STT3B: variants seen among roughly 807,000 people sequenced by gnomAD.
STT3B encodes the protein dolichyl-diphosphooligosaccharide--protein glycosyltransferase subunit STT3B.
A neutral mutation model predicts 96.8 loss-of-function variants in STT3B; 29 were observed. That is an observed-to-expected ratio of 0.30 (90% CI 0.22 to 0.41). The LOEUF is 0.41. Among genes scored for constraint, STT3B ranks in the 10% least tolerant of loss-of-function variants. The pLI, the probability that STT3B is intolerant of heterozygous loss-of-function variation, is 1.00. For missense variants in STT3B, 640 were observed against 1,022.3 expected (o/e 0.63, Z 5.10); for synonymous variants, 367 against 360.0 (o/e 1.02, Z -0.22).
chr3:31,595,973 G>A (rs955039478), intron 3 of STT3B, among the ~76,000 whole-genome samples: 1 of 152,166 alleles, frequency 6.6e-6, no homozygotes, highest in African/African-American at 2.4e-5. Flanking sequence ...TATACTCACC[G>A]TAGAGTCTCT....
At chr3:31,535,756 A>G (rs993484200) in intron 1 of STT3B, among the ~76,000 whole-genome samples, 7 of 152,216 alleles carry the variant, frequency 4.6e-5, no homozygotes, top group Admixed American at 3.9e-4. Context: ...TTCATTTTTT[A>G]TATATATGAA....
At chr3:31,549,770 T>G (rs1374171104) in intron 1 of STT3B, among the ~76,000 whole-genome samples, 1 of 152,156 alleles carries the variant, frequency 6.6e-6, no homozygotes, top group Non-Finnish European at 1.5e-5. Flanking sequence ...ATTGGAGATT[T>G]GTTTCTATAA....
chr3:31,546,766 C>T (rs1043357213), intron 1 of STT3B, among the ~76,000 whole-genome samples: 5 of 152,146 alleles, frequency 3.3e-5, no homozygotes, highest in Admixed American at 2.0e-4. Flanking sequence ...ATGTATTTTG[C>T]ATCCTAAGTC....
At chr3:31,576,528 T>C in intron 2 of STT3B, 24 bp downstream of exon 2, 1 of 1,297,756 alleles carries the variant, frequency 7.7e-7, no homozygotes, top group Non-Finnish European at 1.1e-6. Context: ...CAGTTCTTTA[T>C]GTTAATTATA....
chr3:31,625,191 G>C, intron 12 of STT3B, 106 bp downstream of exon 12: 1 of 990,328 alleles, frequency 1.0e-6, no homozygotes, highest in Non-Finnish European at 1.5e-6. Context: ...GTACTCTGCT[G>C]AATTCTCAAA....
At chr3:31,558,234 A>C (rs1403699423) in intron 1 of STT3B, among the ~76,000 whole-genome samples, 4 of 152,178 alleles carry the variant, frequency 2.6e-5, no homozygotes, top group South Asian at 4.1e-4. Context: ...AGGAATGGTG[A>C]AAGTAGATAT....
chr3:31,579,700 C>G (rs776678687), intron 2 of STT3B, 109 bp from the exon 3 acceptor site: 1 of 861,610 alleles, frequency 1.2e-6, no homozygotes, highest in Non-Finnish European at 1.7e-6. Flanking sequence ...TGAGATGTTG[C>G]TTTCAAACTT....
chr3:31,625,339 T>C, intron 12 of STT3B, among the ~76,000 whole-genome samples: 1 of 152,228 alleles, frequency 6.6e-6, no homozygotes, highest in East Asian at 1.9e-4. Flanking sequence ...ACTGAAGAAT[T>C]AGACAAAATC....
chr3:31,549,082 G>A (rs865825189), intron 1 of STT3B, among the ~76,000 whole-genome samples: 4 of 151,984 alleles, frequency 2.6e-5, no homozygotes, highest in Non-Finnish European at 4.4e-5. Context: ...TCATGGAAAA[G>A]ACTGATGTAG....
At chr3:31,543,631 A>C (rs1006684048) in intron 1 of STT3B, among the ~76,000 whole-genome samples, 5 of 152,262 alleles carry the variant, frequency 3.3e-5, no homozygotes, top group Non-Finnish European at 7.3e-5. Flanking sequence ...AGTGAACATC[A>C]TAATCCCAGT....
At chr3:31,544,943 C>G (rs558566323) in intron 1 of STT3B, among the ~76,000 whole-genome samples, 2 of 150,860 alleles carry the variant, frequency 1.3e-5, no homozygotes, top group African/African-American at 4.9e-5. Context: ...TCTCAGGGAG[C>G]GGGGGGGGAA....
Position 31,629,282 on chromosome 3 carries a change from G to A in STT3B, c.2074-16G>A. 7.2e-7 allele frequency: 1 copy of A among 1,382,412 alleles called. No individual in the cohort carries two copies. Among genetic ancestry groups the A allele is most frequent in the Non-Finnish European group, 1.0e-6 (1 of 974,574 alleles). 85.6% of individuals were successfully genotyped at this position (1,382,412 alleles called of 1,614,324 possible). A position where few individuals can be genotyped will look rare whatever the true frequency, so the allele number is the denominator to read the frequency against. On this transcript the variant is annotated splice_polypyrimidine_tract_variant and intron_variant, in intron 13 of 15. Coordinates refer to ENST00000295770, the MANE Select transcript of STT3B (RefSeq NM_178862.3). The stretch of plus-strand genomic sequence containing the variant: ...TAACTTGAACTAACATAGAACTTGT[G>A]GTTTCTTTCTTGTAGGAAAGTGACT...
chr3:31,553,088 C>T (rs1032018051), intron 1 of STT3B, among the ~76,000 whole-genome samples: 7 of 132,378 alleles, frequency 5.3e-5, no homozygotes, highest in Non-Finnish European at 9.2e-5. Flanking sequence ...GGCGACAGAG[C>T]GAAACTCCGT....
intron 3 of STT3B, among the ~76,000 whole-genome samples, chr3:31,583,759 A>G (rs1425106045): frequency 6.6e-6 from 1 of 151,766 alleles, no homozygotes; most frequent in Non-Finnish European, 1.5e-5. Context: ...TGTTTTCTAC[A>G]TGCCTTATAG....
At chr3:31,621,175 A>T (rs2125475257) in intron 9 of STT3B, among the ~76,000 whole-genome samples, 1 of 152,316 alleles carries the variant, frequency 6.6e-6, no homozygotes, top group East Asian at 1.9e-4. Context: ...AAAGAACAGG[A>T]TGGGGAAATA....
chr3:31,618,469 A>C (rs555070355), intron 8 of STT3B, among the ~76,000 whole-genome samples: 1 of 151,600 alleles, frequency 6.6e-6, no homozygotes, highest in African/African-American at 2.4e-5. Flanking sequence ...TTTTTTTTAA[A>C]GTGCTGTTAT....
intron 1 of STT3B, among the ~76,000 whole-genome samples, chr3:31,551,381 A>G (rs1397900996): frequency 6.6e-6 from 1 of 151,954 alleles, no homozygotes; most frequent in Non-Finnish European, 1.5e-5. Flanking sequence ...ACGCCTGGCT[A>G]ATTTTGAAAA....
At chr3:31,567,359 G>A (rs945219751) in intron 1 of STT3B, among the ~76,000 whole-genome samples, 19 of 151,862 alleles carry the variant, frequency 1.3e-4, no homozygotes, top group Admixed American at 7.9e-4. Flanking sequence ...TTTTCTTTCT[G>A]TTCCTGATTG....
rs1559396681 is a variant in STT3B at position 31,636,744 on chromosome 3, G to T, written c.*680G>T. ...TGCTGTTAGCAGTCGTTTTCACCAG[G>T]TACTTACAGAGCAGATTTCATACAT... On this transcript the variant is annotated 3_prime_UTR_variant, in exon 16 of 16. Coordinates refer to ENST00000295770, the MANE Select transcript of STT3B (RefSeq NM_178862.3). 1.3e-5 allele frequency: 2 copies of T among 152,166 alleles called. No homozygotes were observed. The highest frequency in any genetic ancestry group is 6.5e-5 in the Admixed American group (1 of 15,278). The allele number at this position is 152,166 out of a possible 1,614,324, so 9.4% of individuals were successfully genotyped here. A position where few individuals can be genotyped will look rare whatever the true frequency, so the allele number is the denominator to read the frequency against.
Sources: allele counts gnomAD v4.1 joint callset (sites outside exome capture counted in the v4.1 genomes callset), GRCh38; gene constraint gnomAD v4.1.1; transcripts MANE v1.5; gene names NCBI Gene and HGNC (gene_info 2026-07-23, HGNC 2026-07-21).